The following IL1RAPL2 variants were observed in gnomAD, a reference collection of about 807,000 sequenced individuals.
IL1RAPL2 encodes the protein X-linked interleukin-1 receptor accessory protein-like 2.
In IL1RAPL2, 3 loss-of-function variants were observed where a neutral mutation model predicts 44.1. The ratio of observed to expected loss-of-function variants is 0.07; its 90% CI spans 0.03 to 0.18. The LOEUF (loss-of-function observed/expected upper bound fraction) is 0.18, where lower values mean the gene tolerates loss of function less well. Among genes scored for constraint, IL1RAPL2 ranks in the 10% least tolerant of loss-of-function variants. IL1RAPL2 has a pLI of 1.00. For missense variants in IL1RAPL2, 391 were observed against 496.4 expected (o/e 0.79, Z 2.02); for synonymous variants, 181 against 178.8 (o/e 1.01, Z -0.10).
intron 5 of IL1RAPL2, among the ~76,000 whole-genome samples, chrX:105,271,442 T>G (rs973799976): frequency 8.9e-6 from 1 of 111,758 alleles, no homozygotes; most frequent in Admixed American, 9.6e-5. Flanking sequence ...TTCTTTATTC[T>G]CATGTTGAAT....
intron 6 of IL1RAPL2, among the ~76,000 whole-genome samples, chrX:105,562,512 AAC>A (rs55720100): frequency 0.021 from 1,888 of 91,569 alleles, 44 homozygotes; most frequent in African/African-American, 0.071. Flanking sequence ...ATTGAAAATA[AAC>A]ACACACACAC....
chrX:105,740,648 C>T lies in IL1RAPL2; in HGVS notation c.1005C>T (p.Asn335=). ...CGAATTATACCTGCCATGTTGAAAA[C>T]CGAAATGGACGGAAACATGCCAGTG... ...DLANYTCHVE[N]RNGRKHASVL... The change falls in exon 8 of 11, where the codon AAC becomes AAT. Residue 335 remains asparagine (N), a synonymous_variant. Transcript: ENST00000372582. 1.7e-6 allele frequency: 2 copies of T among 1,209,230 alleles called. No homozygotes were observed. Among genetic ancestry groups the T allele is most frequent in the Non-Finnish European group, 2.2e-6 (2 of 893,775 alleles).
chrX:105,022,533 T>C (rs2031299981), intron 2 of IL1RAPL2, among the ~76,000 whole-genome samples: 1 of 111,365 alleles, frequency 9.0e-6, no homozygotes, highest in African/African-American at 3.3e-5. Flanking sequence ...ACTGAGGAAG[T>C]TTGAAGAGTC....
intron 7 of IL1RAPL2, among the ~76,000 whole-genome samples, chrX:105,723,801 C>A: frequency 9.0e-6 from 1 of 110,952 alleles, no homozygotes; most frequent in Non-Finnish European, 1.9e-5. Flanking sequence ...GGGCACTAAT[C>A]CCATTCATGA....
intron 6 of IL1RAPL2, among the ~76,000 whole-genome samples, chrX:105,609,691 T>C (rs978160898): frequency 3.6e-5 from 4 of 110,067 alleles, no homozygotes; most frequent in Non-Finnish European, 7.6e-5. Flanking sequence ...AGTTAGCGAG[T>C]GAGTGATGAA....
chrX:105,705,291 T>C (rs754454594), intron 6 of IL1RAPL2, among the ~76,000 whole-genome samples: 2 of 111,267 alleles, frequency 1.8e-5, no homozygotes, highest in African/African-American at 6.5e-5. Flanking sequence ...TGTGTACCTG[T>C]ATATGTAGGC....
chrX:104,936,621 CTTTT>C (rs1186693127), intron 2 of IL1RAPL2, among the ~76,000 whole-genome samples: 1 of 88,582 alleles, frequency 1.1e-5, no homozygotes, highest in Non-Finnish European at 2.2e-5. Context: ...TTACCAGACT[CTTTT>C]TTTTTTTTTT....
At chrX:105,404,689 A>C (rs143500500) in intron 5 of IL1RAPL2, among the ~76,000 whole-genome samples, 1 of 111,410 alleles carries the variant, frequency 9.0e-6, no homozygotes, top group Non-Finnish European at 1.9e-5. Flanking sequence ...ATAGGAAAGG[A>C]TCCTGCAGGA....
At chrX:105,619,250 TAA>T (rs1189456220) in intron 6 of IL1RAPL2, among the ~76,000 whole-genome samples, 16 of 74,103 alleles carry the variant, frequency 2.2e-4, no homozygotes, top group South Asian at 1.2e-3. Context: ...GAAGGCCAAA[TAA>T]AAAAAAAAAA....
At position 105,767,792 on chromosome X, in the gene IL1RAPL2, C is replaced by T; in HGVS notation, c.*131C>T. 2 of 489,008 alleles carry T rather than the reference C, an allele frequency of 4.1e-6. No individual in the cohort carries two copies. The highest frequency in any genetic ancestry group is 8.3e-5 in the South Asian group (2 of 23,955). 40.3% of individuals were successfully genotyped at this position (489,008 alleles called of 1,213,427 possible). A position where few individuals can be genotyped will look rare whatever the true frequency, so the allele number is the denominator to read the frequency against. On this transcript the variant is annotated 3_prime_UTR_variant, in exon 11 of 11. Transcript: ENST00000372582. The stretch of plus-strand genomic sequence containing the variant: ...AAAAGGTACAAAAATGGCTTTTATA[C>T]TTAAATATTTTTGTTTACATTTCCA...
intron 1 of IL1RAPL2, among the ~76,000 whole-genome samples, chrX:104,585,368 TATTA>T (rs1928532753): frequency 7.5e-5 from 2 of 26,763 alleles, no homozygotes; most frequent in Non-Finnish European, 1.1e-4. Context: ...ATATTATATA[TATTA>T]TATATAATAT....
At chrX:104,860,254 G>A (rs1484427253) in intron 2 of IL1RAPL2, among the ~76,000 whole-genome samples, 2 of 111,851 alleles carry the variant, frequency 1.8e-5, no homozygotes, top group Non-Finnish European at 1.9e-5. Context: ...AGCTTATGGA[G>A]AGAAAATTCT....
chrX:104,582,622 T>C (rs190092307), intron 1 of IL1RAPL2, among the ~76,000 whole-genome samples: 91 of 74,227 alleles, frequency 1.2e-3, no homozygotes, highest in African/African-American at 5.4e-3. Context: ...CTTTCTTTCT[T>C]TCTTTCTTTC....
In IL1RAPL2 at chrX:105,330,408, AG is replaced by A. The variant is rs1266671483; in HGVS notation, c.697+62868del. On this transcript the variant is annotated intron_variant, in intron 5 of 10. Transcript: ENST00000372582. ...CAGCAGTGATGAAGGTGGGAACTCC[AG>A]TAGGCCAAATATGAAAGTTACAAAT... Among the ~76,000 whole-genome samples the A allele has an allele frequency of 4.5e-5, 5 of 111,191 alleles. No individual in the cohort carries two copies. In the East Asian group the frequency reaches 1.1e-3, roughly 25 times the overall value.
At chrX:104,983,240 T>A (rs1370906371) in intron 2 of IL1RAPL2, among the ~76,000 whole-genome samples, 1 of 107,997 alleles carries the variant, frequency 9.3e-6, no homozygotes, top group Non-Finnish European at 1.9e-5. Context: ...GTAACCACTG[T>A]TGAATGAGTG....
intron 2 of IL1RAPL2, among the ~76,000 whole-genome samples, chrX:104,788,277 A>G (rs1457027898): frequency 2.7e-5 from 3 of 111,934 alleles, no homozygotes; most frequent in Non-Finnish European, 5.6e-5. Context: ...ATGTGCTGTC[A>G]GCCTTGGGCT....
intron 4 of IL1RAPL2, among the ~76,000 whole-genome samples, chrX:105,256,107 A>C (rs2034312263): frequency 9.0e-6 from 1 of 110,824 alleles, no homozygotes; most frequent in Admixed American, 9.6e-5. Context: ...ATCAGCCTGA[A>C]GTTTGTTGTT....
intron 5 of IL1RAPL2, among the ~76,000 whole-genome samples, chrX:105,290,299 C>T (rs958759228): frequency 9.0e-6 from 1 of 111,355 alleles, no homozygotes; most frequent in African/African-American, 3.3e-5. Context: ...GATGCATTAA[C>T]AATGATAATA....
chrX:105,152,001 A>G (rs774870877), intron 2 of IL1RAPL2, among the ~76,000 whole-genome samples: 1 of 110,410 alleles, frequency 9.1e-6, no homozygotes, highest in East Asian at 2.9e-4. Context: ...CTTGGGGGAG[A>G]GGGTGGGAAG....
Sources: gnomAD v4.1 joint callset for allele counts (sites outside exome capture counted in the v4.1 genomes callset) on GRCh38, gnomAD v4.1.1 for gene constraint, MANE v1.5 for transcripts, NCBI Gene and HGNC (gene_info 2026-07-23, HGNC 2026-07-21) for gene names.